The following PRMT9 variants were observed in gnomAD, a reference collection of about 807,000 sequenced individuals.
PRMT9 encodes the protein protein arginine N-methyltransferase 9.
A neutral mutation model predicts 83.2 loss-of-function variants in PRMT9; 59 were observed. The observed-to-expected ratio is 0.71, with a 90% CI of 0.57 to 0.88. The LOEUF is 0.88. Among genes scored for constraint, PRMT9 ranks in the 40% least tolerant of loss-of-function variants. The probability of loss-of-function intolerance (pLI) is 0.00; values close to 1 mark genes in which losing one functional copy is unlikely to be tolerated. For missense variants in PRMT9, 947 were observed against 1,021.9 expected, an observed-to-expected ratio of 0.93 and a Z score of 1.00; for synonymous variants, 333 against 353.2, an observed-to-expected ratio of 0.94 and a Z score of 0.64.
At position 147,672,948 on chromosome 4, in the gene PRMT9, C is replaced by T; in HGVS notation, c.743+11G>A. 1 of 1,608,836 alleles carries T rather than the reference C, an allele frequency of 6.2e-7. No individual in the cohort carries two copies. Among genetic ancestry groups the T allele is most frequent in the Non-Finnish European group, 8.5e-7 (1 of 1,175,538 alleles). The stretch of plus-strand genomic sequence containing the variant: ...AAGTATAAACACTAAAATTAGTTTA[C>T]ATGATAATACCTTTCGGGAATATGT... On this transcript the variant is annotated intron_variant, in intron 4 of 11. Transcript: ENST00000322396.
intron 9 of PRMT9, among the ~76,000 whole-genome samples, chr4:147,646,407 G>C (rs1733730136): frequency 6.6e-6 from 1 of 152,266 alleles, no homozygotes; most frequent in East Asian, 1.9e-4. Flanking sequence ...AGCTAAAAAA[G>C]CACACAGGTT....
chr4:147,659,293 C>T (rs1253697300), intron 7 of PRMT9, among the ~76,000 whole-genome samples: 1 of 151,408 alleles, frequency 6.6e-6, no homozygotes, highest in Non-Finnish European at 1.5e-5. Flanking sequence ...CCCAGCTACT[C>T]GGGAGGCTGA....
intron 1 of PRMT9, among the ~76,000 whole-genome samples, chr4:147,680,889 TG>T (rs1334915620): frequency 1.3e-5 from 2 of 152,256 alleles, no homozygotes; most frequent in Admixed American, 6.5e-5. Context: ...CCTTCTCTTC[TG>T]AACCTCAGAC....
chr4:147,638,504 T>C lies in PRMT9; in HGVS notation c.*28A>G. 1 of 1,565,116 alleles carries C rather than the reference T, an allele frequency of 6.4e-7. No homozygotes were observed. Among genetic ancestry groups the C allele is most frequent in the Non-Finnish European group, 8.8e-7 (1 of 1,135,994 alleles). On this transcript the variant is annotated 3_prime_UTR_variant, in exon 12 of 12. Transcript: ENST00000322396. Reference sequence around the variant, plus strand: ...ATTTTGTACTTGTTGATGCTCTATTTACACAGTTTTCATTGGAAAACTGCT... The same window carrying C: ...ATTTTGTACTTGTTGATGCTCTATTCACACAGTTTTCATTGGAAAACTGCT...
chr4:147,672,232 G>C (rs181264938), intron 4 of PRMT9, among the ~76,000 whole-genome samples: 1 of 152,214 alleles, frequency 6.6e-6, no homozygotes, highest in Non-Finnish European at 1.5e-5. Flanking sequence ...ACTATTATAT[G>C]TATGGAAGAA....
intron 1 of PRMT9, among the ~76,000 whole-genome samples, chr4:147,683,032 T>C (rs915388079): frequency 6.6e-6 from 1 of 152,256 alleles, no homozygotes; most frequent in Non-Finnish European, 1.5e-5. Flanking sequence ...GTAATTTAGA[T>C]TCTAAAAGTA....
intron 10 of PRMT9, among the ~76,000 whole-genome samples, chr4:147,640,293 G>A (rs1378641816): frequency 6.6e-6 from 1 of 151,618 alleles, no homozygotes; most frequent in Non-Finnish European, 1.5e-5. Flanking sequence ...GGTTGGTCTC[G>A]AACTCCTGGA....
intron 6 of PRMT9, among the ~76,000 whole-genome samples, chr4:147,663,137 T>C (rs1471651587): frequency 6.6e-6 from 1 of 150,868 alleles, no homozygotes; most frequent in Non-Finnish European, 1.5e-5. Flanking sequence ...GCCTCCCGAG[T>C]GGCTGGGACT....
chr4:147,638,810 T>A lies in PRMT9; in HGVS notation c.2323-63A>T. On this transcript the variant is annotated intron_variant, in intron 11 of 11. Transcript: ENST00000322396. ...ATAGAGTAGACTTAGATAAGTCTCTTTTTAGTTACTTTTAAATACAAAAAT... is the reference window on the plus strand; with the variant it reads ...ATAGAGTAGACTTAGATAAGTCTCTATTTAGTTACTTTTAAATACAAAAAT... The A allele has an allele frequency of 2.9e-6, 4 of 1,396,190 alleles. No individual in the cohort carries two copies. In the South Asian group the frequency reaches 3.7e-5, roughly 13 times the overall value. The allele number at this position is 1,396,190 out of a possible 1,614,324, so 86.5% of individuals were successfully genotyped here.
intron 9 of PRMT9, among the ~76,000 whole-genome samples, chr4:147,652,592 G>A (rs1014047834): frequency 2.0e-5 from 3 of 151,892 alleles, no homozygotes; most frequent in African/African-American, 4.8e-5. Context: ...AGGCTGAAGT[G>A]GAAAAATCAC....
chr4:147,641,488 A>G (rs1733394218), intron 10 of PRMT9, among the ~76,000 whole-genome samples: 1 of 152,156 alleles, frequency 6.6e-6, no homozygotes, highest in South Asian at 2.1e-4. Context: ...TAACCTTTAT[A>G]AAATAGTATA....
intron 1 of PRMT9, among the ~76,000 whole-genome samples, chr4:147,682,249 G>A (rs565021253): frequency 1.6e-4 from 24 of 152,006 alleles, no homozygotes; most frequent in Admixed American, 7.9e-4. Context: ...GCGTGATCTC[G>A]GCTCACCACA....
In PRMT9 at chr4:147,638,502, T is replaced by C. The variant is rs775258426; in HGVS notation, c.*30A>G. ...GAATTTTGTACTTGTTGATGCTCTA[T>C]TTACACAGTTTTCATTGGAAAACTG... On this transcript the variant is annotated 3_prime_UTR_variant, in exon 12 of 12. Coordinates refer to ENST00000322396, the MANE Select transcript of PRMT9 (RefSeq NM_138364.4). 2 of 1,558,652 alleles carry C rather than the reference T, an allele frequency of 1.3e-6. No individual in the cohort carries two copies. The highest frequency in any genetic ancestry group is 2.2e-5 in the East Asian group (1 of 44,618).
At chr4:147,677,445 A>ATT (rs11321232) in intron 2 of PRMT9, among the ~76,000 whole-genome samples, 11 of 70,762 alleles carry the variant, frequency 1.6e-4, no homozygotes, top group African/African-American at 3.0e-4. Context: ...GACAGGTAGA[A>ATT]TTTTTTTTTT....
chr4:147,644,566 C>T (rs1001819492), intron 9 of PRMT9, among the ~76,000 whole-genome samples: 3 of 138,390 alleles, frequency 2.2e-5, no homozygotes, highest in Non-Finnish European at 3.1e-5. Context: ...AAAAAGAATG[C>T]CTCTTAATAG....
intron 4 of PRMT9, among the ~76,000 whole-genome samples, chr4:147,672,742 T>C (rs932217135): frequency 1.3e-5 from 2 of 152,118 alleles, no homozygotes; most frequent in Non-Finnish European, 2.9e-5. Context: ...GTTTATTTGA[T>C]CCCTTGCCAC....
chr4:147,644,307 T>C (rs1578877504), intron 9 of PRMT9, among the ~76,000 whole-genome samples: 1 of 151,722 alleles, frequency 6.6e-6, no homozygotes, highest in South Asian at 2.1e-4. Flanking sequence ...TGTATTATTC[T>C]TTAACTTCTC....
At chr4:147,666,082 A>AT (rs983023016) in intron 6 of PRMT9, among the ~76,000 whole-genome samples, 4 of 152,230 alleles carry the variant, frequency 2.6e-5, no homozygotes, top group Non-Finnish European at 5.9e-5. Context: ...ACCTATGAGA[A>AT]AATAAGATAT....
In PRMT9 at chr4:147,680,477, C is replaced by G. The variant is rs774599079; in HGVS notation, c.190-6G>C. 5 of 1,603,992 alleles carry G rather than the reference C, an allele frequency of 3.1e-6. No individual in the cohort carries two copies. The Admixed American group carries it at 8.4e-5, about 27-fold the overall frequency. On this transcript the variant is annotated splice_polypyrimidine_tract_variant and splice_region_variant and intron_variant, in intron 1 of 11. Coordinates refer to ENST00000322396, the MANE Select transcript of PRMT9 (RefSeq NM_138364.4). ...AGTGTGTACTGAAAAGTTTCCTTTA[C>G]AAATAAGAAAAAAATTATGAATTAG...
Sources: gnomAD v4.1 joint callset for allele counts (sites outside exome capture counted in the v4.1 genomes callset) on GRCh38, gnomAD v4.1.1 for gene constraint, MANE v1.5 for transcripts, NCBI Gene and HGNC (gene_info 2026-07-23, HGNC 2026-07-21) for gene names.